The following ALG9 variants were observed in gnomAD, a reference collection of about 807,000 sequenced individuals.
ALG9 encodes ALG9 alpha-1,2-mannosyltransferase.
In ALG9, 55 loss-of-function variants were observed where a neutral mutation model predicts 81.8. That is an observed-to-expected ratio of 0.67 (90% CI 0.54 to 0.84). The LOEUF (loss-of-function observed/expected upper bound fraction) is 0.84, where lower values mean the gene tolerates loss of function less well. Among genes scored for constraint, ALG9 ranks in the 40% least tolerant of loss-of-function variants. The pLI is 0.00. For synonymous variants in ALG9, 278 were observed against 274.3 expected, an observed-to-expected ratio of 1.01 and a Z score of -0.13; for missense variants, 629 against 745.0, an observed-to-expected ratio of 0.84 and a Z score of 1.81.
intron 2 of ALG9, among the ~76,000 whole-genome samples, chr11:111,869,640 A>C (rs1555156535): frequency 6.6e-6 from 1 of 152,224 alleles, no homozygotes; most frequent in African/African-American, 2.4e-5. Context: ...AAACCAGCTA[A>C]ATTCCCTACA....
chr11:111,776,231 A>T, the ALG9 span, among the ~76,000 whole-genome samples: 1 of 152,192 alleles, frequency 6.6e-6, no homozygotes, highest in Non-Finnish European at 1.5e-5. Flanking sequence ...AAAGTTTAAT[A>T]TGTTAGCTAT....
intron 13 of ALG9, among the ~76,000 whole-genome samples, chr11:111,832,906 C>A (rs1449244798): frequency 5.3e-5 from 8 of 152,090 alleles, no homozygotes; most frequent in African/African-American, 1.9e-4. Flanking sequence ...GTGATGCATG[C>A]CTGTAGTCCT....
downstream of ALG9, among the ~76,000 whole-genome samples, chr11:111,779,000 G>C (rs1434157856): frequency 6.6e-6 from 1 of 152,064 alleles, no homozygotes; most frequent in Non-Finnish European, 1.5e-5. Context: ...TTTTAGTAGA[G>C]ACAGGGTTTC....
intron 14 of ALG9, among the ~76,000 whole-genome samples, chr11:111,806,041 G>A (rs1251740903): frequency 6.6e-6 from 1 of 151,914 alleles, no homozygotes; most frequent in Non-Finnish European, 1.5e-5. Flanking sequence ...TGTATTTTTA[G>A]TAGAGACAGG....
downstream of ALG9, among the ~76,000 whole-genome samples, chr11:111,781,386 T>C (rs1945929890): frequency 6.6e-6 from 1 of 152,198 alleles, no homozygotes; most frequent in Non-Finnish European, 1.5e-5. Context: ...GGAGGACTGT[T>C]TGTTGTTTAA....
Position 111,853,663 on chromosome 11 carries a change from G to A in ALG9, c.775C>T (p.Leu259Phe), listed in dbSNP as rs782047899. 4 of 1,613,956 alleles carry A rather than the reference G, an allele frequency of 2.5e-6. No homozygotes were observed. The African/African-American group carries it at 5.3e-5, about 22-fold the overall frequency. ...KSFFHWSLMA[L>F]ILFLVPVVVI... ...AGAAAACTCACCAGAAATAGTATGA[G>A]GGCCATCAGCGACCAATGAAAGAAA... Residue 259 changes from leucine to phenylalanine, a missense_variant, in exon 7 of 15, where the codon CTC becomes TTC. Transcript: ENST00000616540.
chr11:111,861,921 T>G (rs984554128), intron 4 of ALG9, among the ~76,000 whole-genome samples: 142 of 152,334 alleles, frequency 9.3e-4, no homozygotes, highest in African/African-American at 3.3e-3. Context: ...CTTCTGGCTG[T>G]TAAAAAGTCT....
Position 111,840,819 on chromosome 11 carries a change from A to C in ALG9, c.1019-10T>G. 6.2e-7 allele frequency: 1 copy of C among 1,614,042 alleles called. No individual in the cohort carries two copies. The highest frequency in any genetic ancestry group is 8.5e-7 in the Non-Finnish European group (1 of 1,179,872). Reference sequence around the variant, plus strand: ...TGGCCTAAATTCTGAACTGCAAGACACAGAAAAATACCCATCTTTCATTAT... The same window carrying C: ...TGGCCTAAATTCTGAACTGCAAGACCCAGAAAAATACCCATCTTTCATTAT... On this transcript the variant is annotated splice_polypyrimidine_tract_variant and intron_variant, in intron 9 of 14. Transcript: ENST00000616540.
chr11:111,787,003 T>G (rs1181557126), intron 14 of ALG9, among the ~76,000 whole-genome samples: 1 of 151,938 alleles, frequency 6.6e-6, no homozygotes, highest in East Asian at 1.9e-4. Context: ...AAGGAAAGAG[T>G]CTACACACAA....
At chr11:111,811,869 G>C (rs992439793) in intron 13 of ALG9, among the ~76,000 whole-genome samples, 2 of 152,054 alleles carry the variant, frequency 1.3e-5, no homozygotes, top group Admixed American at 1.3e-4. Context: ...TAATGGGTAT[G>C]GGTTTTTTTG....
chr11:111,809,642 C>A lies in ALG9; in HGVS notation c.1733+1G>T, dbSNP rs782082954. On this transcript the variant is annotated splice_donor_variant, in intron 14 of 14. Transcript: ENST00000616540. LOFTEE classifies it high-confidence loss of function. The stretch of plus-strand genomic sequence containing the variant: ...TATCCCATAGGATTAAAGCCACATA[C>A]CTAGAAGCATCAAGGAATGGTCTAT... The A allele has an allele frequency of 6.2e-7, 1 of 1,613,978 alleles. No homozygotes were observed. Among genetic ancestry groups the A allele is most frequent in the Non-Finnish European group, 8.5e-7 (1 of 1,179,940 alleles).
chr11:111,848,915 T>C (rs1957328253), intron 8 of ALG9, among the ~76,000 whole-genome samples: 1 of 152,190 alleles, frequency 6.6e-6, no homozygotes, highest in Non-Finnish European at 1.5e-5. Context: ...TATGATTCCC[T>C]ATCTTTCCCC....
intron 12 of ALG9, chr11:111,836,739 T>C (rs1288864331): frequency 5.4e-6 from 1 of 186,078 alleles, no homozygotes; most frequent in African/African-American, 2.4e-5. Context: ...TATAAAACTA[T>C]TTCAAACGTA....
intron 12 of ALG9, chr11:111,836,796 A>C (rs1955368714): frequency 5.5e-6 from 1 of 182,168 alleles, no homozygotes; most frequent in Admixed American, 5.5e-5. Flanking sequence ...TTTTAATTTA[A>C]TCATTAATGA....
chr11:111,814,323 T>A (rs1951163065), intron 13 of ALG9, among the ~76,000 whole-genome samples: 1 of 152,080 alleles, frequency 6.6e-6, no homozygotes, highest in Non-Finnish European at 1.5e-5. Context: ...GTAAAAGTCA[T>A]AAATCTAAAG....
chr11:111,851,477 CA>C (rs11343980), intron 8 of ALG9, among the ~76,000 whole-genome samples: 58,233 of 104,786 alleles, frequency 0.56, 13,400 homozygotes, highest in East Asian at 0.72. Context: ...AACTCCATCT[CA>C]AAAAAAAAAA....
intron 6 of ALG9, among the ~76,000 whole-genome samples, chr11:111,856,276 CAAAAAAAAAAAA>C (rs1175162630): frequency 1.0e-4 from 4 of 38,584 alleles, no homozygotes; most frequent in South Asian, 1.8e-3. Context: ...GACTCCATCT[CAAAAAAAAAAAA>C]AAAAAAAAGA....
intron 13 of ALG9, among the ~76,000 whole-genome samples, chr11:111,831,083 G>A (rs1258834828): frequency 2.6e-5 from 4 of 151,918 alleles, no homozygotes; most frequent in Non-Finnish European, 4.4e-5. Flanking sequence ...CTCCGTCACC[G>A]AGGCTGGAGT....
At chr11:111,836,640 G>A in intron 12 of ALG9, 1 of 334,190 alleles carries the variant, frequency 3.0e-6, no homozygotes, top group Non-Finnish European at 5.8e-6. Context: ...CAGGTGTAGA[G>A]AAAAAGAATG....
Sources: allele counts gnomAD v4.1 joint callset (sites outside exome capture counted in the v4.1 genomes callset), GRCh38; gene constraint gnomAD v4.1.1; transcripts MANE v1.5; gene names NCBI Gene and HGNC (gene_info 2026-07-23, HGNC 2026-07-21).